Variants in FAM186A observed in about 807,000 individuals in gnomAD.
FAM186A encodes family with sequence similarity 186 member A.
Under a neutral mutation model 216.8 loss-of-function variants are expected in FAM186A, and 163 were observed. The ratio of observed to expected loss-of-function variants is 0.75; its 90% CI spans 0.66 to 0.86. The LOEUF (loss-of-function observed/expected upper bound fraction) is 0.86, where lower values mean the gene tolerates loss of function less well. FAM186A is among the 40% of genes least tolerant of loss of function. The pLI is 0.00. For synonymous variants in FAM186A, 805 were observed against 1,025.3 expected (o/e 0.79, Z 4.10); for missense variants, 2,184 against 2,746.2 (o/e 0.80, Z 4.58).
rs1942681600 is a variant in FAM186A, at chr12:50,333,979, C to T, written c.6628G>A (p.Glu2210Lys). The T allele has an allele frequency of 6.4e-7, 1 of 1,551,722 alleles. No homozygotes were observed. Among genetic ancestry groups the T allele is most frequent in the Non-Finnish European group, 8.7e-7 (1 of 1,147,004 alleles). Residue 2210 changes from glutamate (E) to lysine (K), a missense_variant, in exon 5 of 8, where the codon GAG becomes AAG. Physicochemically the swap from Glu to Lys is moderately conservative, Grantham distance 56. This residue lies in a region of FAM186A where 721 missense variants were observed against 816.4 expected (regional missense o/e 0.88). Coordinates refer to ENST00000327337, the MANE Select transcript of FAM186A (RefSeq NM_001145475.3). ...TTCTGCCCTAGAGACTTCTGCTTCT[C>T]AGTCCAGACCTGCATCACCTTTTTC... Reference protein sequence around the residue: ...YGKKVMQVWTEKQKSLGQKRN... With the variant: ...YGKKVMQVWTKKQKSLGQKRN...
At chr12:50,358,744 G>A (rs1183437941) in intron 3 of FAM186A, among the ~76,000 whole-genome samples, 1 of 151,746 alleles carries the variant, frequency 6.6e-6, no homozygotes, top group African/African-American at 2.4e-5. Context: ...CCAAGATGGT[G>A]AAATTCCATC....
At chr12:50,336,676 G>A (rs1260284938) in intron 4 of FAM186A, among the ~76,000 whole-genome samples, 5 of 152,128 alleles carry the variant, frequency 3.3e-5, no homozygotes, top group African/African-American at 7.2e-5. Flanking sequence ...GTAAGAAAAC[G>A]AAAGTTATAT....
intron 1 of FAM186A, among the ~76,000 whole-genome samples, chr12:50,363,990 A>G (rs1809999063): frequency 6.6e-6 from 1 of 152,092 alleles, no homozygotes; most frequent in Non-Finnish European, 1.5e-5. Context: ...TATCCTAGAA[A>G]TTTTTTACGG....
At position 50,365,918 on chromosome 12, in the gene FAM186A, G is replaced by A. The variant is rs974536766; in HGVS notation, c.193-2554C>T. On this transcript the variant is annotated intron_variant, in intron 1 of 7. Transcript: ENST00000327337. Reference sequence around the variant, plus strand: ...ACATTGAACGGGTGCAGTGGAAAAAGGCTAATGGCACAACTGTCCATGTGG... The same window carrying A: ...ACATTGAACGGGTGCAGTGGAAAAAAGCTAATGGCACAACTGTCCATGTGG... The A allele has an allele frequency of 7.9e-6, 6 of 763,076 alleles. No individual in the cohort carries two copies. The African/African-American group carries it at 8.5e-5, about 11-fold the overall frequency. 47.3% of individuals were successfully genotyped at this position (763,076 alleles called of 1,614,324 possible).
chr12:50,388,541 C>A (rs1035436929), intron 1 of FAM186A, among the ~76,000 whole-genome samples: 3 of 151,744 alleles, frequency 2.0e-5, no homozygotes, highest in African/African-American at 7.3e-5. Flanking sequence ...ATCGCTTGAA[C>A]CTGGGAGGCG....
Position 50,366,028 on chromosome 12 carries a change from G to A in FAM186A, c.193-2664C>T, listed in dbSNP as rs938067680. 1.1e-4 allele frequency: 80 copies of A among 758,452 alleles called. 1 individual carries two copies. The highest frequency in any genetic ancestry group is 1.7e-4 in the Non-Finnish European group (69 of 414,246). The allele number at this position is 758,452 out of a possible 1,614,324, so 47.0% of individuals were successfully genotyped here. A position where few individuals can be genotyped will look rare whatever the true frequency, so the allele number is the denominator to read the frequency against. On this transcript the variant is annotated intron_variant, in intron 1 of 7. Coordinates refer to ENST00000327337, the MANE Select transcript of FAM186A (RefSeq NM_001145475.3). ...ATCCTTGAACAGAAAGCCAAATCTC[G>A]CCAAGTAGGAAAGGAAAAGAGCAAA...
Position 50,360,812 on chromosome 12 carries a change from A to G in FAM186A, c.527T>C (p.Leu176Pro). 2 of 1,549,928 alleles carry G rather than the reference A, an allele frequency of 1.3e-6. No individual in the cohort carries two copies. Among genetic ancestry groups the G allele is most frequent in the Non-Finnish European group, 1.7e-6 (2 of 1,146,348 alleles). Residue 176 changes from leucine (L) to proline (P), a missense_variant, in exon 3 of 8, where the codon CTA becomes CCA. Leu to Pro is a moderately conservative substitution (Grantham distance 98). This residue lies in a region of FAM186A where 1,132 missense variants were observed against 1,263.4 expected (regional missense o/e 0.90). Coordinates refer to ENST00000327337, the MANE Select transcript of FAM186A (RefSeq NM_001145475.3). The part of the protein sequence containing the change: ...LKAIENNVKI[L>P]SRFSTSFLDE... ...GAGGAAAGATGTACTAAATCTGCTT[A>G]GTATCTTGACATTGTTCTCAATAGC...
In FAM186A at chr12:50,369,384, G is replaced by A. The variant is rs1158658905; in HGVS notation, c.193-6020C>T. 6.6e-5 allele frequency among the ~76,000 whole-genome samples: 10 copies of A among 151,530 alleles called. No individual in the cohort carries two copies. The East Asian group carries it at 9.7e-4, about 15-fold the overall frequency. The stretch of plus-strand genomic sequence containing the variant: ...TGGGCGCCTGTAGACCCAACTACTC[G>A]GGAGGCTGAGGCAGGAGAATTACTT... On this transcript the variant is annotated intron_variant, in intron 1 of 7. Transcript: ENST00000327337.
intron 1 of FAM186A, among the ~76,000 whole-genome samples, chr12:50,382,337 G>T (rs1486745279): frequency 2.6e-5 from 4 of 151,742 alleles, no homozygotes; most frequent in African/African-American, 9.7e-5. Context: ...TGGCAGAGGG[G>T]GTATTGGGGT....
intron 4 of FAM186A, among the ~76,000 whole-genome samples, chr12:50,348,184 G>A (rs997441995): frequency 4.6e-5 from 7 of 151,736 alleles, no homozygotes; most frequent in Admixed American, 3.3e-4. Context: ...AGCTGGAGGT[G>A]TGTGCCACCA....
intron 1 of FAM186A, among the ~76,000 whole-genome samples, chr12:50,376,746 CTTTT>C (rs55712994): frequency 7.0e-6 from 1 of 142,712 alleles, no homozygotes. Flanking sequence ...CTCTCTCTCT[CTTTT>C]TTTTTTTTTA....
At chr12:50,334,830 G>A (rs1303259916) in intron 4 of FAM186A, among the ~76,000 whole-genome samples, 1 of 152,054 alleles carries the variant, frequency 6.6e-6, no homozygotes, top group South Asian at 2.1e-4. Context: ...AGAGAAGGAT[G>A]GGAAGCTTGC....
At position 50,363,146 on chromosome 12, in the gene FAM186A, C is replaced by T. The variant is rs916397519; in HGVS notation, c.411G>A (p.Trp137Ter). ...LANILAWLEE[W>*]NDVLSEMTLM... ...TCTGAACCGCTTCTGTAAACTTACTCCATTCTTCCAACCAGGCCAGAATGT... is the reference window on the plus strand; with the variant it reads ...TCTGAACCGCTTCTGTAAACTTACTTCATTCTTCCAACCAGGCCAGAATGT... The change falls in exon 2 of 8, where the codon TGG (tryptophan) becomes TGA (stop). Residue 137 changes from tryptophan to a stop codon, truncating the protein, a stop_gained and splice_region_variant. Transcript: ENST00000327337. LOFTEE classifies it high-confidence loss of function. 1.9e-6 allele frequency: 3 copies of T among 1,543,144 alleles called. No individual in the cohort carries two copies. Among genetic ancestry groups the T allele is most frequent in the African/African-American group, 1.4e-5 (1 of 72,568 alleles).
Position 50,352,847 on chromosome 12 carries a change from G to A in FAM186A, c.3985C>T (p.Pro1329Ser). ...QAQALGIPLT[P>S]QQAQTQEITL... is the part of the protein sequence containing the mutation. Reference sequence around the variant, plus strand: ...ATCTCCTGAGTCTGCGCCTGCTGAGGGGTGAGAGGGATCCCCAGGGCCTGC... The same window carrying A: ...ATCTCCTGAGTCTGCGCCTGCTGAGAGGTGAGAGGGATCCCCAGGGCCTGC... The change falls in exon 4 of 8, where the codon CCT becomes TCT. Residue 1329 changes from proline (P) to serine (S), a missense_variant. Around this residue, in one of 7 missense-constraint regions of FAM186A, gnomAD observed 267 missense variants for 446.2 expected, o/e 0.60. Coordinates refer to ENST00000327337, the MANE Select transcript of FAM186A (RefSeq NM_001145475.3). The A allele has an allele frequency of 6.5e-7, 1 of 1,542,524 alleles. No homozygotes were observed. Among genetic ancestry groups the A allele is most frequent in the Non-Finnish European group, 8.7e-7 (1 of 1,143,886 alleles).
At position 50,363,170 on chromosome 12, in the gene FAM186A, G is replaced by T; in HGVS notation, c.387C>A (p.Asn129Lys). ...TIEIREKTLA[N>K]ILAWLEEWND... is the part of the protein sequence containing the mutation. ...TCCATTCTTCCAACCAGGCCAGAATGTTGGCAAGAGTCTTTTCTCTTATTT... is the reference window on the plus strand; with the variant it reads ...TCCATTCTTCCAACCAGGCCAGAATTTTGGCAAGAGTCTTTTCTCTTATTT... Residue 129 changes from asparagine to lysine, a missense_variant, in exon 2 of 8, where the codon AAC becomes AAA. Around this residue, in one of 7 missense-constraint regions of FAM186A, gnomAD observed 1,132 missense variants for 1,263.4 expected, o/e 0.90. Transcript: ENST00000327337. 7 of 1,550,546 alleles carry T rather than the reference G, an allele frequency of 4.5e-6. No individual in the cohort carries two copies. The highest frequency in any genetic ancestry group is 6.1e-6 in the Non-Finnish European group (7 of 1,146,624).
In FAM186A at chr12:50,396,410, C is replaced by T. The variant is rs1943414518; in HGVS notation, c.75G>A (p.Met25Ile). 4 of 1,551,520 alleles carry T rather than the reference C, an allele frequency of 2.6e-6. No homozygotes were observed. Among genetic ancestry groups the T allele is most frequent in the Middle Eastern group, 1.7e-4 (1 of 6,012 alleles). ...SEKCIKDSTI[M>I]RREPQNILSP... is the part of the protein sequence containing the mutation. ...TAAGGATATTTTGGGGCTCTCTTCT[C>T]ATGATGGTGGAATCCTTGATGCATT... The change falls in exon 1 of 8, where the codon ATG (methionine) becomes ATA (isoleucine). Residue 25 changes from methionine (M) to isoleucine (I), a missense_variant. This residue lies in a region of FAM186A where 1,132 missense variants were observed against 1,263.4 expected (regional missense o/e 0.90). Coordinates refer to ENST00000327337, the MANE Select transcript of FAM186A (RefSeq NM_001145475.3).
At chr12:50,333,051 A>G (rs1942671920) in intron 5 of FAM186A, among the ~76,000 whole-genome samples, 1 of 152,066 alleles carries the variant, frequency 6.6e-6, no homozygotes. Flanking sequence ...TAAATAAATA[A>G]TAAAATAAAA....
chr12:50,385,729 C>T (rs190002246), intron 1 of FAM186A, among the ~76,000 whole-genome samples: 1 of 151,088 alleles, frequency 6.6e-6, no homozygotes, highest in East Asian at 2.0e-4. Context: ...GGTGAAACCC[C>T]GTCTCTACTA....
intron 3 of FAM186A, among the ~76,000 whole-genome samples, chr12:50,360,115 G>C (rs958388812): frequency 6.6e-6 from 1 of 150,756 alleles, no homozygotes; most frequent in Non-Finnish European, 1.5e-5. Context: ...GTGGTGGCAG[G>C]TGCCTGTAAT....
Sources: allele counts gnomAD v4.1 joint callset (sites outside exome capture counted in the v4.1 genomes callset), GRCh38; gene constraint gnomAD v4.1.1; regional missense constraint gnomAD v4.1.1; transcripts MANE v1.5; gene names NCBI Gene and HGNC (gene_info 2026-07-23, HGNC 2026-07-21).